Variants in NCOA4 observed in about 807,000 individuals in gnomAD.
NCOA4 encodes the protein 70 kDa AR-activator.
In NCOA4, 31 loss-of-function variants were observed where a neutral mutation model predicts 69.5. The observed-to-expected ratio is 0.45, with a 90% CI of 0.34 to 0.60. The LOEUF is 0.60. Ranked by LOEUF, NCOA4 falls within the 20% of genes least tolerant of loss-of-function variation. The probability of loss-of-function intolerance (pLI) is 0.02; values close to 1 mark genes in which losing one functional copy is unlikely to be tolerated. For synonymous variants in NCOA4, 228 were observed against 252.4 expected, an observed-to-expected ratio of 0.90 and a Z score of 0.92; for missense variants, 600 against 719.2, an observed-to-expected ratio of 0.83 and a Z score of 1.90.
At chr10:46,014,988 C>T (rs782802533) in intron 3 of NCOA4, 46 bp from the exon 4 acceptor site, 1 of 1,588,560 alleles carries the variant, frequency 6.3e-7, no homozygotes, top group East Asian at 2.2e-5. Context: ...ACCAAAAGCA[C>T]CAGATATACT....
chr10:46,023,495 G>A, intron 1 of NCOA4: 3 of 985,568 alleles, frequency 3.0e-6, no homozygotes, highest in Non-Finnish European at 3.6e-6. Flanking sequence ...CTCAAGCCAA[G>A]GGCGGGGAGG....
rs782519558 is a variant in NCOA4, at chr10:46,010,665, T to C, written c.1256A>G (p.Asp419Gly). 8.7e-6 allele frequency: 14 copies of C among 1,613,990 alleles called. 1 individual carries two copies. The highest frequency in any genetic ancestry group is 3.3e-4 in the Middle Eastern group (2 of 6,082). The stretch of plus-strand genomic sequence containing the variant: ...CAGAGCCTCCTTCTCACAATTCTCA[T>C]CACACACACACTCTGCAAAGCTTGT... Reference protein sequence around the residue: ...PCTSFAECVCDENCEKEALYK... With the variant: ...PCTSFAECVCGENCEKEALYK... The change falls in exon 8 of 10, where the codon GAT (aspartate) becomes GGT (glycine). Residue 419 changes from aspartate (D) to glycine (G), a missense_variant. By Grantham distance (94) the Asp-to-Gly change is moderately conservative (BLOSUM62 -1). Transcript: ENST00000581486.
intron 9 of NCOA4, chr10:46,009,134 G>C: frequency 1.9e-6 from 3 of 1,544,522 alleles, no homozygotes; most frequent in Non-Finnish European, 2.6e-6. Flanking sequence ...CTTCGAGGTA[G>C]GTATATAAAC....
intron 9 of NCOA4, among the ~76,000 whole-genome samples, chr10:46,006,935 T>C (rs1247182606): frequency 6.6e-6 from 1 of 152,212 alleles, no homozygotes; most frequent in African/African-American, 2.4e-5. Flanking sequence ...TCCCCATCTC[T>C]CACTCTTCTT....
rs782402905 is a variant in NCOA4, at chr10:46,014,519, T to A, written c.405A>T (p.Ser135=). The change falls in exon 5 of 10, where the codon TCA becomes TCT. Residue 135 remains serine (S), a synonymous_variant. Transcript: ENST00000581486. Reference sequence around the variant, plus strand: ...TGTCAGCTTCAAAGAGCAGGACAGTTGAATCTTCAGGCTTAAGGGTCAAAC... The same window carrying A: ...TGTCAGCTTCAAAGAGCAGGACAGTAGAATCTTCAGGCTTAAGGGTCAAAC... ...LGSLTLKPED[S]TVLLFEADTI... The A allele has an allele frequency of 6.2e-7, 1 of 1,613,930 alleles. No homozygotes were observed. Among genetic ancestry groups the A allele is most frequent in the Non-Finnish European group, 8.5e-7 (1 of 1,179,936 alleles).
intron 1 of NCOA4, among the ~76,000 whole-genome samples, chr10:46,028,936 T>C (rs1400116485): frequency 6.6e-6 from 1 of 151,456 alleles, no homozygotes; most frequent in Non-Finnish European, 1.5e-5. Flanking sequence ...ACTTAGGGAC[T>C]CTCAACCGGG....
chr10:46,011,637 A>G (rs1839212328), intron 7 of NCOA4, among the ~76,000 whole-genome samples: 2 of 152,162 alleles, frequency 1.3e-5, no homozygotes, highest in Admixed American at 6.5e-5. Context: ...GCCAAAAGGC[A>G]AGGGATTTCT....
chr10:46,015,928 GA>G (rs531222646), intron 2 of NCOA4, among the ~76,000 whole-genome samples: 1 of 152,140 alleles, frequency 6.6e-6, no homozygotes, highest in African/African-American at 2.4e-5. Context: ...AATCCCAAGG[GA>G]AAAAGTCAAA....
At chr10:46,007,068 T>C (rs1838872264) in intron 9 of NCOA4, among the ~76,000 whole-genome samples, 1 of 152,206 alleles carries the variant, frequency 6.6e-6, no homozygotes, top group South Asian at 2.1e-4. Flanking sequence ...AAGTTTTTTG[T>C]TGTTTTTCAG....
chr10:46,022,518 T>C (rs1554924643), intron 1 of NCOA4: 1 of 448,978 alleles, frequency 2.2e-6, no homozygotes, highest in East Asian at 7.0e-5. Flanking sequence ...CAGGCTGGAG[T>C]GCAGTGGCGC....
At position 46,011,171 on chromosome 10, in the gene NCOA4, G is replaced by T; in HGVS notation, c.750C>A (p.Val250=). ...TTTCTAAGCCCTTTAGGTTTCCCCC[G>T]ACATTATTGAAGAAATTGCAGGCTC... is the stretch of plus-strand genomic sequence containing the variant. ...SSRACNFFNN[V]GGNLKGLENW... The change falls in exon 8 of 10, where the codon GTC becomes GTA. Residue 250 remains valine (V), a synonymous_variant. Transcript: ENST00000581486. 6.3e-7 allele frequency: 1 copy of T among 1,598,890 alleles called. No individual in the cohort carries two copies. Among genetic ancestry groups the T allele is most frequent in the Non-Finnish European group, 8.5e-7 (1 of 1,175,434 alleles).
chr10:46,018,480 T>C (rs1839695051), intron 1 of NCOA4, among the ~76,000 whole-genome samples: 1 of 152,236 alleles, frequency 6.6e-6, no homozygotes, highest in South Asian at 2.1e-4. Context: ...GATTAGCCTG[T>C]TCCATGTTTA....
At position 46,005,140 on chromosome 10, in the gene NCOA4, GAA is replaced by G. The variant is rs1217422593; in HGVS notation, c.*1450_*1451del. On this transcript the variant is annotated 3_prime_UTR_variant, in exon 10 of 10. Coordinates refer to ENST00000581486, the MANE Select transcript of NCOA4 (RefSeq NM_001145263.2). Reference sequence around the variant, plus strand: ...AGATACAAAATTCATCAATGCAAAAGAATGTTTTACATACTCATTAACATAGT... The same window carrying G: ...AGATACAAAATTCATCAATGCAAAAGTGTTTTACATACTCATTAACATAGT... 7.3e-5 allele frequency: 14 copies of G among 192,872 alleles called. No individual in the cohort carries two copies. The highest frequency in any genetic ancestry group is 3.3e-4 in the African/African-American group (14 of 43,028). 11.9% of individuals were successfully genotyped at this position (192,872 alleles called of 1,614,324 possible).
chr10:46,015,289 C>T (rs782570426), intron 2 of NCOA4, 23 bp from the exon 3 acceptor site: 1 of 1,522,452 alleles, frequency 6.6e-7, no homozygotes, highest in East Asian at 2.7e-5. Context: ...TACATGTTAG[C>T]TTCCTAGTGT....
intron 9 of NCOA4, chr10:46,009,084 G>T: frequency 1.6e-6 from 2 of 1,269,356 alleles, no homozygotes; most frequent in South Asian, 1.3e-5. Flanking sequence ...CTCTTTATTG[G>T]GATATTTGCT....
chr10:46,020,225 T>C (rs1238501978), intron 1 of NCOA4, among the ~76,000 whole-genome samples: 2 of 152,346 alleles, frequency 1.3e-5, no homozygotes, highest in East Asian at 3.9e-4. Flanking sequence ...GTAGCAAGCA[T>C]GACCGTTAAG....
intron 1 of NCOA4, among the ~76,000 whole-genome samples, chr10:46,019,115 T>C (rs960014421): frequency 2.0e-5 from 3 of 152,236 alleles, no homozygotes; most frequent in Non-Finnish European, 4.4e-5. Flanking sequence ...TGATTTTGTT[T>C]CGTCAGTCTC....
chr10:46,022,734 G>T (rs954418068), intron 1 of NCOA4, among the ~76,000 whole-genome samples: 1 of 152,092 alleles, frequency 6.6e-6, no homozygotes, highest in Non-Finnish European at 1.5e-5. Context: ...CAAAGTGCTG[G>T]GATTACAAGC....
intron 2 of NCOA4, among the ~76,000 whole-genome samples, chr10:46,015,841 G>T: frequency 6.6e-6 from 1 of 152,112 alleles, no homozygotes; most frequent in South Asian, 2.1e-4. Context: ...AGACCATTAG[G>T]GTAGACAATT....
Sources: allele counts gnomAD v4.1 joint callset (sites outside exome capture counted in the v4.1 genomes callset), GRCh38; gene constraint gnomAD v4.1.1; transcripts MANE v1.5; gene names NCBI Gene and HGNC (gene_info 2026-07-23, HGNC 2026-07-21).